The following STOX2 variants were observed in gnomAD, a reference collection of about 807,000 sequenced individuals.
STOX2 encodes storkhead box 2, also known as storkhead-box protein 2.
STOX2 carries 28 observed loss-of-function variants against 60.9 expected under a neutral mutation model. The observed-to-expected ratio is 0.46, with a 90% CI of 0.34 to 0.63. The LOEUF is 0.63. Among genes scored for constraint, STOX2 ranks in the 30% least tolerant of loss-of-function variants. STOX2 has a pLI of 0.01. For missense variants in STOX2, 1,024 were observed against 1,187.7 expected (o/e 0.86, Z 2.03); for synonymous variants, 472 against 463.9 (o/e 1.02, Z -0.22).
At chr4:183,952,775 A>G (rs1743131130) in intron 1 of STOX2, among the ~76,000 whole-genome samples, 1 of 152,198 alleles carries the variant, frequency 6.6e-6, no homozygotes, top group African/African-American at 2.4e-5. Context: ...AGGACTCCTT[A>G]GGGTCCTACA....
rs1358707349 is a variant in STOX2, at chr4:183,836,439, A to T, written c.364+38384A>T. On this transcript the variant is annotated intron_variant, in intron 1 of 2. Transcript: ENST00000513034. The surrounding 1 kb of genome is among the most constrained non-coding windows in gnomAD (Gnocchi z 4.1). ...TGAAATAACGTCTCAGTGGCTTAAC[A>T]CATTAAGCCTCATTTCTTCTTCTGC... Among the ~76,000 whole-genome samples the T allele has an allele frequency of 6.6e-6, 1 of 152,208 alleles. No homozygotes were observed. The highest frequency in any genetic ancestry group is 2.4e-5 in the African/African-American group (1 of 41,464).
At chr4:183,843,540 T>C (rs1015509046) in intron 1 of STOX2, among the ~76,000 whole-genome samples, 2 of 152,214 alleles carry the variant, frequency 1.3e-5, no homozygotes, top group Non-Finnish European at 2.9e-5. Flanking sequence ...TGGGGCCATA[T>C]GGTCTCTGTC....
intron 1 of STOX2, among the ~76,000 whole-genome samples, chr4:183,998,155 G>A (rs1733425344): frequency 6.6e-6 from 1 of 152,182 alleles, no homozygotes; most frequent in South Asian, 2.1e-4. Context: ...CTTCTGAGAT[G>A]TTCTTAGTTA....
intron 1 of STOX2, among the ~76,000 whole-genome samples, chr4:183,816,015 G>A (rs185239248): frequency 9.4e-4 from 143 of 152,274 alleles, no homozygotes; most frequent in African/African-American, 3.3e-3. Flanking sequence ...GTACATTATT[G>A]TAACATCTTC....
intron 1 of STOX2, among the ~76,000 whole-genome samples, chr4:183,982,483 AT>A (rs1732691510): frequency 1.3e-5 from 2 of 152,142 alleles, no homozygotes; most frequent in Non-Finnish European, 2.9e-5. Flanking sequence ...TGAGTTTTTA[AT>A]TTGTGTCTTT....
chr4:183,802,218 T>A (rs1255851310), intron 1 of STOX2, among the ~76,000 whole-genome samples: 1 of 152,238 alleles, frequency 6.6e-6, no homozygotes, highest in East Asian at 1.9e-4. Flanking sequence ...CCAAATACAC[T>A]TTTTTAGACT....
intron 1 of STOX2, among the ~76,000 whole-genome samples, chr4:183,799,180 CAGAGA>C (rs1317829734): frequency 2.0e-4 from 31 of 152,266 alleles, no homozygotes; most frequent in African/African-American, 7.5e-4. Context: ...TCTATTTTGG[CAGAGA>C]AGAGATCTTT....
intron 1 of STOX2, among the ~76,000 whole-genome samples, chr4:183,939,028 C>T (rs1031893898): frequency 5.3e-5 from 8 of 152,110 alleles, no homozygotes; most frequent in East Asian, 1.9e-4. Flanking sequence ...TTGCTACATA[C>T]GGAATAGAAG....
At chr4:183,943,335 C>T (rs1012617735) in intron 1 of STOX2, among the ~76,000 whole-genome samples, 1 of 151,954 alleles carries the variant, frequency 6.6e-6, no homozygotes, top group African/African-American at 2.4e-5. Context: ...CATGTAGAGG[C>T]AAGGACTATG....
chr4:183,875,202 G>A (rs913738041), intron 1 of STOX2, among the ~76,000 whole-genome samples: 6 of 151,360 alleles, frequency 4.0e-5, no homozygotes, highest in Non-Finnish European at 8.8e-5. Flanking sequence ...AGGGTGATGG[G>A]GACTGTGGAG....
chr4:183,896,791 T>G (rs988702678), intron 1 of STOX2, among the ~76,000 whole-genome samples: 7 of 152,258 alleles, frequency 4.6e-5, no homozygotes, highest in African/African-American at 1.7e-4. Flanking sequence ...ACTGATTAAT[T>G]GTGACAAAAT....
intron 1 of STOX2, among the ~76,000 whole-genome samples, chr4:183,881,290 C>T (rs1740953390): frequency 6.6e-6 from 1 of 152,132 alleles, no homozygotes; most frequent in Non-Finnish European, 1.5e-5. Context: ...ATCCCGAGGT[C>T]AGGAGTTCGA....
chr4:183,911,854 G>A (rs1203878178), intron 1 of STOX2, among the ~76,000 whole-genome samples: 1 of 152,202 alleles, frequency 6.6e-6, no homozygotes, highest in Non-Finnish European at 1.5e-5. Flanking sequence ...TTATAAATCA[G>A]TGATAGAGTG....
intron 1 of STOX2, among the ~76,000 whole-genome samples, chr4:183,852,049 CGAT>C (rs1280547060): frequency 1.4e-4 from 1 of 7,010 alleles, no homozygotes; most frequent in African/African-American, 8.1e-4. Context: ...ATGAGAGAAA[CGAT>C]GAGGGAAAGG....
At chr4:183,925,394 G>A (rs1207971456) in intron 1 of STOX2, among the ~76,000 whole-genome samples, 2 of 152,080 alleles carry the variant, frequency 1.3e-5, no homozygotes, top group African/African-American at 4.8e-5. Flanking sequence ...TGTTGCCCAG[G>A]CTGGTCTTGA....
At chr4:183,850,183 G>A (rs1740081537) in intron 1 of STOX2, among the ~76,000 whole-genome samples, 1 of 151,620 alleles carries the variant, frequency 6.6e-6, no homozygotes, top group Non-Finnish European at 1.5e-5. Context: ...ATGTTGGCCA[G>A]GCTGGTCTTG....
In STOX2 at chr4:183,975,442, A is replaced by T. The variant is rs1732411232; in HGVS notation, c.167-25883A>T. ...CAAGAGCTGATAAACCTCTAGCCAG[A>T]TTGACAAGGAAATATGACATAAATT... On this transcript the variant is annotated intron_variant, in intron 1 of 3. Transcript: ENST00000308497. Among the ~76,000 whole-genome samples the T allele has an allele frequency of 2.6e-5, 4 of 152,324 alleles. No individual in the cohort carries two copies. In the South Asian group the frequency reaches 8.3e-4, roughly 32 times the overall value.
intron 1 of STOX2, among the ~76,000 whole-genome samples, chr4:183,840,125 GT>G (rs1739820676): frequency 6.6e-6 from 1 of 152,066 alleles, no homozygotes; most frequent in South Asian, 2.1e-4. Context: ...TAAGCATGTA[GT>G]TTTTCTCCGC....
Position 183,821,581 on chromosome 4 carries a change from C to G in STOX2, c.364+23526C>G, listed in dbSNP as rs1413936096. ...TGCTGTGTCCTTTGTTCTGATGTCA[C>G]TGGGGTTGGGCCTGAGGCCTCTTTG... On this transcript the variant is annotated intron_variant, in intron 1 of 2. Coordinates refer to the STOX2 transcript ENST00000513034. This position sits in a 1 kb window ranked among gnomAD's most constrained non-coding sequence, Gnocchi z 4.2. 1.3e-5 allele frequency among the ~76,000 whole-genome samples: 2 copies of G among 152,248 alleles called. No individual in the cohort carries two copies. The highest frequency in any genetic ancestry group is 4.8e-5 in the African/African-American group (2 of 41,472).
Sources: gnomAD v4.1 joint callset for allele counts (sites outside exome capture counted in the v4.1 genomes callset) on GRCh38, gnomAD v4.1.1 for gene constraint, Gnocchi (gnomAD v3.1) non-coding constraint, MANE v1.5 for transcripts, NCBI Gene and HGNC (gene_info 2026-07-23, HGNC 2026-07-21) for gene names.